Variants in INPP5F observed in about 807,000 individuals in gnomAD.
The protein encoded by INPP5F is phosphatidylinositide 4-phosphatase SAC2.
In INPP5F, 97 loss-of-function variants were observed where a neutral mutation model predicts 137.2. The ratio of observed to expected loss-of-function variants is 0.71; its 90% CI spans 0.60 to 0.84. The LOEUF is 0.84. Among genes scored for constraint, INPP5F ranks in the 40% least tolerant of loss-of-function variants. INPP5F has a pLI of 0.00. For missense variants in INPP5F, 1,271 were observed against 1,371.9 expected (o/e 0.93, Z 1.16); for synonymous variants, 504 against 476.9 (o/e 1.06, Z -0.74).
Position 119,800,984 on chromosome 10 carries a change from G to A in INPP5F, c.1116+2374G>A, listed in dbSNP as rs548238964. Among the ~76,000 whole-genome samples, 90 of 148,732 alleles carry A rather than the reference G, an allele frequency of 6.1e-4. 1 individual carries two copies. Among genetic ancestry groups the A allele is most frequent in the African/African-American group, 2.2e-3 (88 of 40,520 alleles). On this transcript the variant is annotated intron_variant, in intron 9 of 19. Coordinates refer to ENST00000650623, the MANE Select transcript of INPP5F (RefSeq NM_014937.4). ...AAAAAAAAAAGTGGAGGGATACCAA[G>A]TTTTGACAAGGACATGGAGCAACTA...
intron 1 of INPP5F, among the ~76,000 whole-genome samples, chr10:119,740,965 A>G (rs1467667310): frequency 1.3e-5 from 2 of 152,218 alleles, no homozygotes; most frequent in Admixed American, 6.5e-5. Flanking sequence ...ACTAACATTT[A>G]TTATGTGACG....
intron 3 of INPP5F, 71 bp downstream of exon 3, chr10:119,781,842 A>G: frequency 8.0e-7 from 1 of 1,253,704 alleles, no homozygotes; most frequent in South Asian, 1.6e-5. Flanking sequence ...GATTTGGTTC[A>G]GTAGACCAGA....
chr10:119,732,500 C>CTTTTTTTTTTTT (rs59388357), intron 1 of INPP5F, among the ~76,000 whole-genome samples: 26 of 115,550 alleles, frequency 2.3e-4, no homozygotes, highest in East Asian at 1.3e-3. Context: ...TTTCTTTTTT[C>CTTTTTTTTTTTT]TTTTTTTTTT....
At chr10:119,796,071 AGAGGGAGAGGGG>A (rs1285792585) in intron 6 of INPP5F, among the ~76,000 whole-genome samples, 1 of 42,414 alleles carries the variant, frequency 2.4e-5, no homozygotes, top group South Asian at 8.6e-4. Flanking sequence ...GACCGTGGGG[AGAGGGAGAGGGG>A]GAGGGGGAGG....
intron 17 of INPP5F, 73 bp from the exon 18 acceptor site, chr10:119,822,998 G>T: frequency 7.1e-7 from 1 of 1,410,628 alleles, no homozygotes; most frequent in Non-Finnish European, 9.6e-7. Context: ...AAATGTGTTG[G>T]GTCTTTTTAA....
rs537229156 is a variant in INPP5F, at chr10:119,750,755, A to G, written c.98-321A>G. ...GATCCTGTGCTGTAGGACCACACGC[A>G]GCTCCTCCGTTTGTCCTCTTGTAGT... On this transcript the variant is annotated intron_variant, in intron 1 of 19. Coordinates refer to ENST00000650623, the MANE Select transcript of INPP5F (RefSeq NM_014937.4). Among the ~76,000 whole-genome samples, 6 of 152,274 alleles carry G rather than the reference A, an allele frequency of 3.9e-5. No homozygotes were observed. In the East Asian group the frequency reaches 1.2e-3, roughly 29 times the overall value.
chr10:119,798,470 A>C, intron 8 of INPP5F, 73 bp from the exon 9 acceptor site: 1 of 964,602 alleles, frequency 1.0e-6, no homozygotes, highest in South Asian at 1.5e-5. Context: ...AAAAGTAAGA[A>C]TAAAGATGGA....
chr10:119,755,604 T>C (rs1848817116), intron 2 of INPP5F, among the ~76,000 whole-genome samples: 1 of 152,178 alleles, frequency 6.6e-6, no homozygotes, highest in Admixed American at 6.5e-5. Context: ...TACAAAAGCA[T>C]GTCAAAAAGA....
At chr10:119,802,494 A>G (rs1330983981) in intron 9 of INPP5F, among the ~76,000 whole-genome samples, 1 of 152,320 alleles carries the variant, frequency 6.6e-6, no homozygotes, top group East Asian at 1.9e-4. Context: ...AACTCAAGTC[A>G]AAACAAAACT....
chr10:119,782,636 C>T (rs1849746810), intron 3 of INPP5F, among the ~76,000 whole-genome samples: 1 of 151,948 alleles, frequency 6.6e-6, no homozygotes, highest in African/African-American at 2.4e-5. Context: ...GGCAACATAG[C>T]CAGACCTTGT....
chr10:119,733,209 T>C (rs1462693563), intron 1 of INPP5F, among the ~76,000 whole-genome samples: 1 of 152,226 alleles, frequency 6.6e-6, no homozygotes, highest in African/African-American at 2.4e-5. Flanking sequence ...GAAGGATCTA[T>C]GTAGAAAGAA....
chr10:119,814,129 C>T (rs1444322937), intron 15 of INPP5F, among the ~76,000 whole-genome samples: 12 of 152,206 alleles, frequency 7.9e-5, no homozygotes, highest in South Asian at 2.1e-4. Flanking sequence ...CGGTGGCTCA[C>T]GCCTGTAATC....
At chr10:119,762,027 C>T (rs1164709983) in intron 2 of INPP5F, among the ~76,000 whole-genome samples, 2 of 152,146 alleles carry the variant, frequency 1.3e-5, no homozygotes, top group African/African-American at 2.4e-5. Context: ...CCCCGTAGAA[C>T]CTCCGTATAT....
At chr10:119,821,748 C>T (rs1178190297) in intron 16 of INPP5F, among the ~76,000 whole-genome samples, 4 of 145,270 alleles carry the variant, frequency 2.8e-5, no homozygotes, top group Admixed American at 1.4e-4. Flanking sequence ...CCGTCTCTTG[C>T]TCTGTGTGTG....
At chr10:119,798,880 C>T (rs1000177072) in intron 9 of INPP5F, among the ~76,000 whole-genome samples, 1 of 150,296 alleles carries the variant, frequency 6.7e-6, no homozygotes, top group African/African-American at 2.4e-5. Context: ...ATCTTCTCTC[C>T]TCAGCCTCCC....
intron 2 of INPP5F, among the ~76,000 whole-genome samples, chr10:119,759,993 C>T (rs1170846189): frequency 6.6e-6 from 1 of 152,110 alleles, no homozygotes; most frequent in Non-Finnish European, 1.5e-5. Flanking sequence ...TTCCACCTCC[C>T]GGGTAGAAGT....
chr10:119,760,990 T>C (rs1310063097), intron 2 of INPP5F, among the ~76,000 whole-genome samples: 1 of 152,234 alleles, frequency 6.6e-6, no homozygotes, highest in African/African-American at 2.4e-5. Flanking sequence ...CATTTTTATA[T>C]AGAAAATCAT....
At chr10:119,775,732 TG>T (rs1382433783) in intron 2 of INPP5F, among the ~76,000 whole-genome samples, 2 of 151,936 alleles carry the variant, frequency 1.3e-5, no homozygotes, top group South Asian at 4.2e-4. Flanking sequence ...GCCTAAGTGG[TG>T]GGTGGATTTG....
intron 2 of INPP5F, among the ~76,000 whole-genome samples, chr10:119,753,335 G>T (rs1464330037): frequency 6.6e-6 from 1 of 152,200 alleles, no homozygotes; most frequent in African/African-American, 2.4e-5. Flanking sequence ...AGATATAGGA[G>T]AAGCTGCCTA....
Sources: gnomAD v4.1 joint callset for allele counts (sites outside exome capture counted in the v4.1 genomes callset) on GRCh38, gnomAD v4.1.1 for gene constraint, MANE v1.5 for transcripts, NCBI Gene and HGNC (gene_info 2026-07-23, HGNC 2026-07-21) for gene names.